SOX5: variants seen among roughly 807,000 people sequenced by gnomAD.
The protein encoded by SOX5 is transcription factor SOX-5.
SOX5 carries 9 observed loss-of-function variants against 92.0 expected under a neutral mutation model. The ratio of observed to expected loss-of-function variants is 0.10; its 90% CI spans 0.06 to 0.17. The LOEUF (loss-of-function observed/expected upper bound fraction) is 0.17. Among genes scored for constraint, SOX5 ranks in the 10% least tolerant of loss-of-function variants. The pLI is 1.00. For synonymous variants in SOX5, 344 were observed against 336.3 expected (o/e 1.02, Z -0.25); for missense variants, 642 against 944.5 (o/e 0.68, Z 4.20).
chr12:24,378,302 T>C (rs1957484617), intron 1 of SOX5, among the ~76,000 whole-genome samples: 3 of 152,242 alleles, frequency 2.0e-5, no homozygotes, highest in African/African-American at 7.2e-5. Flanking sequence ...TCTAACCAAA[T>C]GAACAATGTA....
At chr12:24,015,314 CTAGGTTCCTAAT>C (rs1953472436) in intron 4 of SOX5, among the ~76,000 whole-genome samples, 1 of 152,092 alleles carries the variant, frequency 6.6e-6, no homozygotes, top group African/African-American at 2.4e-5. Flanking sequence ...GGGGCTCTAA[CTAGGTTCCTAAT>C]TAGCTGCAAT....
chr12:23,972,132 T>C (rs1171031596), intron 4 of SOX5, among the ~76,000 whole-genome samples: 1 of 152,128 alleles, frequency 6.6e-6, no homozygotes, highest in African/African-American at 2.4e-5. Context: ...TAGACTGCAA[T>C]AGAACCTTGC....
At chr12:23,841,331 T>C (rs925554505) in intron 3 of SOX5, among the ~76,000 whole-genome samples, 6 of 152,198 alleles carry the variant, frequency 3.9e-5, no homozygotes, top group Admixed American at 6.5e-5. Context: ...TGTGGAACAA[T>C]AGAAACTTAC....
At chr12:23,582,346 T>G in intron 9 of SOX5, 1 of 924,064 alleles carries the variant, frequency 1.1e-6, no homozygotes, top group Non-Finnish European at 1.3e-6. Flanking sequence ...GAAGTGTACC[T>G]GCTGAGCAGA....
At chr12:23,577,176 C>CACACAT (rs1273547543) in intron 9 of SOX5, among the ~76,000 whole-genome samples, 3 of 76,968 alleles carry the variant, frequency 3.9e-5, no homozygotes, top group Admixed American at 2.0e-4. Flanking sequence ...CACACACACA[C>CACACAT]ATATATATAT....
chr12:23,762,634 C>T, intron 3 of SOX5: 1 of 505,282 alleles, frequency 2.0e-6, no homozygotes, highest in South Asian at 3.2e-5. Context: ...AAGTCTTTGG[C>T]TGACTCAAGT....
chr12:23,927,332 T>C (rs1940237434), intron 1 of SOX5, among the ~76,000 whole-genome samples: 1 of 152,084 alleles, frequency 6.6e-6, no homozygotes, highest in African/African-American at 2.4e-5. Context: ...TCATACCATT[T>C]TACTAAAGCC....
At chr12:24,013,213 T>C (rs1953163165) in intron 4 of SOX5, among the ~76,000 whole-genome samples, 1 of 152,146 alleles carries the variant, frequency 6.6e-6, no homozygotes, top group African/African-American at 2.4e-5. Context: ...AATACAATGG[T>C]GCCCTCTTAA....
intron 1 of SOX5, among the ~76,000 whole-genome samples, chr12:24,442,297 A>G (rs1940745533): frequency 6.6e-6 from 1 of 152,156 alleles, no homozygotes; most frequent in South Asian, 2.1e-4. Context: ...GCACTCATTT[A>G]TTCAACAAAC....
intron 4 of SOX5, among the ~76,000 whole-genome samples, chr12:24,012,475 T>C (rs1490169444): frequency 6.6e-6 from 1 of 152,192 alleles, no homozygotes; most frequent in Non-Finnish European, 1.5e-5. Flanking sequence ...TTGAATTTTT[T>C]TTCAAACCCA....
At chr12:23,713,903 C>G (rs1405735820) in intron 6 of SOX5, among the ~76,000 whole-genome samples, 1 of 151,084 alleles carries the variant, frequency 6.6e-6, no homozygotes, top group Non-Finnish European at 1.5e-5. Context: ...ACCAGCCTGG[C>G]CAACATGGCG....
At chr12:24,030,986 C>A (rs1275695583) in intron 4 of SOX5, among the ~76,000 whole-genome samples, 3 of 151,792 alleles carry the variant, frequency 2.0e-5, no homozygotes, top group Non-Finnish European at 4.4e-5. Context: ...ATTAAAACTA[C>A]AATGAGGTAT....
Position 24,393,403 on chromosome 12 carries a change from C to G in SOX5, c.-250-24764G>C, listed in dbSNP as rs4963570. 0.18 allele frequency among the ~76,000 whole-genome samples: 26,624 copies of G among 152,108 alleles called. 2,926 individuals are homozygous for G. Among genetic ancestry groups the G allele is most frequent in the East Asian group, 0.43 (2,204 of 5,164 alleles). On this transcript the variant is annotated intron_variant, in intron 1 of 4. Coordinates refer to the SOX5 transcript ENST00000446891. The surrounding 1 kb of genome is among the most constrained non-coding windows in gnomAD (Gnocchi z 5.0). ...ACAGGCCAATCAGGGTCGGAGATAA[C>G]AGAATGACAATCCAGTATGACAGAA...
chr12:23,731,160 T>C (rs906449466), intron 6 of SOX5, among the ~76,000 whole-genome samples: 6 of 152,222 alleles, frequency 3.9e-5, no homozygotes, highest in South Asian at 2.1e-4. Context: ...GGACTCACAC[T>C]TGCAGCTTCC....
intron 4 of SOX5, among the ~76,000 whole-genome samples, chr12:23,983,176 A>C (rs1020743977): frequency 6.6e-6 from 1 of 151,970 alleles, no homozygotes; most frequent in Admixed American, 6.6e-5. Context: ...TGTATTTAAA[A>C]ATGGGCAGAT....
At chr12:24,244,255 C>G (rs1938148824) in intron 3 of SOX5, among the ~76,000 whole-genome samples, 1 of 152,160 alleles carries the variant, frequency 6.6e-6, no homozygotes, top group African/African-American at 2.4e-5. Flanking sequence ...TCGGCTACAC[C>G]TTGAATAAAG....
intron 4 of SOX5, among the ~76,000 whole-genome samples, chr12:24,095,126 C>CAGAGAGAGAGAGAG (rs1469520600): frequency 1.8e-3 from 162 of 90,176 alleles, no homozygotes; most frequent in East Asian, 5.6e-3. Context: ...CACACACACA[C>CAGAGAGAGAGAGAG]ACAGAGAGAG....
At chr12:23,643,788 A>T (rs1592882205) in intron 7 of SOX5, among the ~76,000 whole-genome samples, 1 of 152,160 alleles carries the variant, frequency 6.6e-6, no homozygotes, top group Non-Finnish European at 1.5e-5. Context: ...GTGGAGGTTG[A>T]GAAGGCCTAA....
chr12:23,611,479 A>G (rs1415625147), intron 8 of SOX5, among the ~76,000 whole-genome samples: 1 of 152,072 alleles, frequency 6.6e-6, no homozygotes, highest in Non-Finnish European at 1.5e-5. Context: ...GTTATCGTAA[A>G]TAATGCTGCA....
Sources: allele counts gnomAD v4.1 joint callset (sites outside exome capture counted in the v4.1 genomes callset), GRCh38; gene constraint gnomAD v4.1.1; non-coding constraint Gnocchi (gnomAD v3.1); transcripts MANE v1.5; gene names NCBI Gene and HGNC (gene_info 2026-07-23, HGNC 2026-07-21).